TERF2: variants seen among roughly 807,000 people sequenced by gnomAD.
The protein encoded by TERF2 is telomeric repeat-binding factor 2.
Under a neutral mutation model 56.1 loss-of-function variants are expected in TERF2, and 16 were observed. The ratio of observed to expected loss-of-function variants is 0.29; its 90% CI spans 0.19 to 0.43. The LOEUF (loss-of-function observed/expected upper bound fraction) is 0.43, where lower values mean the gene tolerates loss of function less well. TERF2 is among the 20% of genes least tolerant of loss of function. TERF2 has a pLI of 1.00. For missense variants in TERF2, 547 were observed against 712.9 expected (o/e 0.77, Z 2.65); for synonymous variants, 296 against 282.1 (o/e 1.05, Z -0.50).
At chr16:69,367,228 T>C (rs2013386582) in intron 6 of TERF2, 29 bp from the exon 7 acceptor site, 2 of 1,569,520 alleles carry the variant, frequency 1.3e-6, no homozygotes, top group African/African-American at 2.7e-5. Context: ...CACAAAGATG[T>C]TTTTCACCAC....
intron 2 of TERF2, 66 bp from the exon 3 acceptor site, chr16:69,384,776 TTATATA>T: frequency 7.2e-7 from 1 of 1,381,620 alleles, no homozygotes; most frequent in South Asian, 1.6e-5. Context: ...TGTCCAAAAA[TTATATA>T]TATATATTTA....
Position 69,356,076 on chromosome 16 carries a change from T to A in TERF2, c.*822A>T. 7 of 370,528 alleles carry A rather than the reference T, an allele frequency of 1.9e-5. No individual in the cohort carries two copies. Among genetic ancestry groups the A allele is most frequent in the Admixed American group, 6.8e-5 (2 of 29,318 alleles). 23.0% of individuals were successfully genotyped at this position (370,528 alleles called of 1,614,324 possible). A position where few individuals can be genotyped will look rare whatever the true frequency, so the allele number is the denominator to read the frequency against. ...GTTGATGTCACGACTGGCTAAAGAG[T>A]TTTTAAAGGGAATCTTATTCCACAA... On this transcript the variant is annotated 3_prime_UTR_variant, in exon 10 of 10. Coordinates refer to ENST00000254942, the MANE Select transcript of TERF2 (RefSeq NM_005652.5).
chr16:69,380,079 A>G (rs2013940055), intron 3 of TERF2, among the ~76,000 whole-genome samples: 1 of 151,830 alleles, frequency 6.6e-6, no homozygotes, highest in Non-Finnish European at 1.5e-5. Flanking sequence ...CACCCGGCTA[A>G]TTTTTGTATT....
chr16:69,376,343 AAATC>A (rs372603477), intron 3 of TERF2, among the ~76,000 whole-genome samples: 194 of 152,312 alleles, frequency 1.3e-3, no homozygotes, highest in Admixed American at 7.3e-3. Context: ...TCTTTGTCAA[AAATC>A]AATCAGTCAT....
intron 2 of TERF2, 42 bp from the exon 3 acceptor site, chr16:69,384,752 G>T: frequency 6.6e-7 from 1 of 1,526,140 alleles, no homozygotes; most frequent in South Asian, 1.4e-5. Flanking sequence ...TCTTTTCTAA[G>T]GGTAAAAAAG....
intron 3 of TERF2, among the ~76,000 whole-genome samples, chr16:69,383,377 G>C (rs1336417011): frequency 6.6e-6 from 1 of 152,178 alleles, no homozygotes; most frequent in East Asian, 1.9e-4. Context: ...TTTTGGATAA[G>C]GGATACTCAA....
intron 8 of TERF2, 61 bp downstream of exon 8, chr16:69,361,343 G>A (rs2013130533): frequency 8.4e-7 from 1 of 1,187,218 alleles, no homozygotes; most frequent in Non-Finnish European, 1.3e-6. Flanking sequence ...TAACATGACA[G>A]TAACACGCAT....
At chr16:69,377,283 C>T (rs1023868499) in intron 3 of TERF2, among the ~76,000 whole-genome samples, 3 of 151,916 alleles carry the variant, frequency 2.0e-5, no homozygotes, top group Non-Finnish European at 4.4e-5. Flanking sequence ...AGCTAAGTGG[C>T]AACTTAATTT....
At chr16:69,367,307 T>G (rs1164367884) in intron 6 of TERF2, 108 bp from the exon 7 acceptor site, 16 of 1,172,216 alleles carry the variant, frequency 1.4e-5, no homozygotes, top group Non-Finnish European at 1.9e-5. Flanking sequence ...TTGAGGAGGC[T>G]TTAAATGTGA....
chr16:69,383,674 T>C (rs983581106), intron 3 of TERF2, among the ~76,000 whole-genome samples: 1 of 152,226 alleles, frequency 6.6e-6, no homozygotes, highest in Non-Finnish European at 1.5e-5. Context: ...TGCACACTAG[T>C]TGTTTTTTAA....
chr16:69,363,959 G>A (rs933870358), intron 7 of TERF2, among the ~76,000 whole-genome samples: 1 of 152,164 alleles, frequency 6.6e-6, no homozygotes, highest in African/African-American at 2.4e-5. Context: ...TCCAGCCCAG[G>A]TGACAGAGCG....
At chr16:69,383,843 C>T (rs2014090099) in intron 3 of TERF2, among the ~76,000 whole-genome samples, 1 of 152,226 alleles carries the variant, frequency 6.6e-6, no homozygotes, top group African/African-American at 2.4e-5. Context: ...CAATGCTTAG[C>T]TGATGTTTTC....
intron 7 of TERF2, among the ~76,000 whole-genome samples, chr16:69,361,901 T>C (rs551307563): frequency 9.4e-6 from 1 of 106,924 alleles, no homozygotes; most frequent in Non-Finnish European, 2.1e-5. Context: ...CATTCCCCCT[T>C]GTTCAAGCTC....
At chr16:69,368,549 A>C (rs761678185) in intron 5 of TERF2, 67 bp from the exon 6 acceptor site, 17 of 1,594,036 alleles carry the variant, frequency 1.1e-5, no homozygotes, top group Non-Finnish European at 1.4e-5. Context: ...TGCTTCTTTC[A>C]CCAAGAATAT....
In TERF2 at chr16:69,356,805, A is replaced by G. The variant is rs2012922762; in HGVS notation, c.*93T>C. 5 of 1,426,204 alleles carry G rather than the reference A, an allele frequency of 3.5e-6. No individual in the cohort carries two copies. The highest frequency in any genetic ancestry group is 2.9e-5 in the African/African-American group (2 of 69,076). The allele number at this position is 1,426,204 out of a possible 1,614,324, so 88.3% of individuals were successfully genotyped here. On this transcript the variant is annotated 3_prime_UTR_variant, in exon 10 of 10. Coordinates refer to ENST00000254942, the MANE Select transcript of TERF2 (RefSeq NM_005652.5). ...ACAGAGCGAGACTCTGTCTCAAAAA[A>G]AAAAAAAAAAGAAAAAGAAAGAAAG...
chr16:69,366,547 C>A, intron 7 of TERF2: 1 of 448,454 alleles, frequency 2.2e-6, no homozygotes, highest in Non-Finnish European at 3.9e-6. Flanking sequence ...AAAATGAAAG[C>A]AGCGATGAGT....
chr16:69,361,255 T>G, intron 8 of TERF2, 149 bp downstream of exon 8: 3 of 601,864 alleles, frequency 5.0e-6, no homozygotes, highest in Non-Finnish European at 5.9e-6. Context: ...AAAAAAAAAC[T>G]GATTCTTCAT....
rs544856737 is a variant in TERF2, at chr16:69,356,243, G to A, written c.*655C>T. On this transcript the variant is annotated 3_prime_UTR_variant, in exon 10 of 10. Transcript: ENST00000254942. Reference sequence around the variant, plus strand: ...TTTAACAGGTCATGGAGTCACAAGTGGCTCCTAATAGACTTCACCATTTCC... The same window carrying A: ...TTTAACAGGTCATGGAGTCACAAGTAGCTCCTAATAGACTTCACCATTTCC... 5 of 454,574 alleles carry A rather than the reference G, an allele frequency of 1.1e-5. No individual in the cohort carries two copies. The highest frequency in any genetic ancestry group is 7.8e-5 in the South Asian group (5 of 64,266). The allele number at this position is 454,574 out of a possible 1,614,324, so 28.2% of individuals were successfully genotyped here.
At chr16:69,378,124 T>A (rs1232306789) in intron 3 of TERF2, among the ~76,000 whole-genome samples, 1 of 152,252 alleles carries the variant, frequency 6.6e-6, no homozygotes, top group Non-Finnish European at 1.5e-5. Flanking sequence ...TGTTGAATTC[T>A]GTGAATTTCA....
Sources: gnomAD v4.1 joint callset for allele counts (sites outside exome capture counted in the v4.1 genomes callset) on GRCh38, gnomAD v4.1.1 for gene constraint, MANE v1.5 for transcripts, NCBI Gene and HGNC (gene_info 2026-07-23, HGNC 2026-07-21) for gene names.